Variants in PLCG2 observed in about 807,000 individuals in gnomAD.
PLCG2 encodes phospholipase C gamma 2.
In PLCG2, 69 loss-of-function variants were observed where a neutral mutation model predicts 175.6. That is an observed-to-expected ratio of 0.39 (90% CI 0.32 to 0.48). The LOEUF (loss-of-function observed/expected upper bound fraction) is 0.48, where lower values mean the gene tolerates loss of function less well. PLCG2 is among the 20% of genes least tolerant of loss of function. The pLI is 0.91. For missense variants in PLCG2, 1,798 were observed against 1,650.9 expected (o/e 1.09, Z -1.54); for synonymous variants, 827 against 624.0 (o/e 1.33, Z -4.85).
chr16:81,933,914 C>A (rs1022546060), intron 25 of PLCG2, among the ~76,000 whole-genome samples: 1 of 152,210 alleles, frequency 6.6e-6, no homozygotes, highest in African/African-American at 2.4e-5. Context: ...GAGTCCATGG[C>A]ACATGGCCTG....
chr16:81,890,712 A>T (rs535997108), intron 10 of PLCG2, among the ~76,000 whole-genome samples: 2 of 152,206 alleles, frequency 1.3e-5, no homozygotes, highest in Non-Finnish European at 1.5e-5. Context: ...CTCACGCAGC[A>T]GAAATTAGGC....
rs1470904080 is a variant in PLCG2 at position 81,854,480 on chromosome 16, A to G, written c.230A>G (p.Lys77Arg). ...IMEIKEIRPG[K>R]NSKDFERAKA... ...GAAATAAAAGAAATCCGCCCAGGGA[A>G]GAACTCCAAAGATTTCGAGCGAGCA... is the stretch of plus-strand genomic sequence containing the variant. The change falls in exon 3 of 33, where the codon AAG (lysine) becomes AGG (arginine). Residue 77 changes from lysine (K) to arginine (R), a missense_variant. Lys to Arg is a conservative substitution (Grantham distance 26, BLOSUM62 2). Coordinates refer to ENST00000564138, the MANE Select transcript of PLCG2 (RefSeq NM_002661.5). 6 of 1,614,170 alleles carry G rather than the reference A, an allele frequency of 3.7e-6. No homozygotes were observed. The highest frequency in any genetic ancestry group is 1.1e-5 in the South Asian group (1 of 91,084).
chr16:81,805,769 T>TTTTG (rs1911985696), intron 2 of PLCG2, among the ~76,000 whole-genome samples: 4 of 86,284 alleles, frequency 4.6e-5, no homozygotes, highest in African/African-American at 1.8e-4. Context: ...TTTGTTTTGT[T>TTTTG]TTTTTTTTTT....
At chr16:81,876,833 A>C (rs1319158729) in intron 7 of PLCG2, among the ~76,000 whole-genome samples, 1 of 152,196 alleles carries the variant, frequency 6.6e-6, no homozygotes, top group Non-Finnish European at 1.5e-5. Context: ...AACATAAATT[A>C]ACTGCTGCCT....
At chr16:81,841,205 T>G (rs1309054781) in intron 2 of PLCG2, among the ~76,000 whole-genome samples, 4 of 6,302 alleles carry the variant, frequency 6.3e-4, no homozygotes, top group Non-Finnish European at 9.8e-4. Context: ...AAAAGTAAAC[T>G]TTATTTATTT....
At chr16:81,888,473 C>T (rs1443908791) in intron 9 of PLCG2, among the ~76,000 whole-genome samples, 7 of 152,208 alleles carry the variant, frequency 4.6e-5, no homozygotes, top group Admixed American at 6.5e-5. Context: ...GCAGTCCACC[C>T]GCCTCGGCCT....
chr16:81,911,677 C>A (rs1166685683), intron 18 of PLCG2, among the ~76,000 whole-genome samples: 2 of 151,846 alleles, frequency 1.3e-5, no homozygotes, highest in Non-Finnish European at 2.9e-5. Flanking sequence ...ATGGCACGAT[C>A]TCAGCTCACT....
intron 20 of PLCG2, 118 bp from the exon 21 acceptor site, chr16:81,921,080 G>A (rs930644941): frequency 3.2e-6 from 2 of 627,776 alleles, no homozygotes; most frequent in Non-Finnish European, 5.6e-6. Flanking sequence ...ATTCTATGAG[G>A]TTTCAACTCC....
chr16:81,800,584 A>G (rs754677522), intron 2 of PLCG2, among the ~76,000 whole-genome samples: 1 of 152,050 alleles, frequency 6.6e-6, no homozygotes, highest in Non-Finnish European at 1.5e-5. Flanking sequence ...CATGGTGTAT[A>G]TGTACCATAT....
Position 81,910,614 on chromosome 16 carries a change from A to G in PLCG2, c.1828A>G (p.Ile610Val), listed in dbSNP as rs1909577816. The G allele has an allele frequency of 6.2e-7, 1 of 1,614,146 alleles. No individual in the cohort carries two copies. Among genetic ancestry groups the G allele is most frequent in the Admixed American group, 1.7e-5 (1 of 60,032 alleles). The change falls in exon 18 of 33, where the codon ATC (isoleucine) becomes GTC (valine). Residue 610 changes from isoleucine to valine, a missense_variant. Physicochemically the swap from Ile to Val is conservative, Grantham distance 29. Coordinates refer to ENST00000564138, the MANE Select transcript of PLCG2 (RefSeq NM_002661.5). ...GACTGACAACCTCACCTTCAGCAGC[A>G]TCTATGCCCTCATCCAGCACTACCG... ...YLTDNLTFSS[I>V]YALIQHYRET...
At chr16:81,743,640 CCT>C (rs1354262874) in intron 1 of PLCG2, among the ~76,000 whole-genome samples, 1 of 152,186 alleles carries the variant, frequency 6.6e-6, no homozygotes, top group East Asian at 1.9e-4. Context: ...GTTAGGAGAT[CCT>C]CTCTCTTGTG....
intron 7 of PLCG2, among the ~76,000 whole-genome samples, chr16:81,871,492 C>G (rs995894887): frequency 6.6e-6 from 1 of 152,092 alleles, no homozygotes; most frequent in Non-Finnish European, 1.5e-5. Context: ...ACGTGCGCCA[C>G]CACGCCCAGC....
intron 5 of PLCG2, among the ~76,000 whole-genome samples, chr16:81,867,707 T>G (rs1245950153): frequency 6.6e-6 from 1 of 151,890 alleles, no homozygotes; most frequent in Non-Finnish European, 1.5e-5. Context: ...CTTTTCTTTT[T>G]TATTTTTGGA....
intron 29 of PLCG2, among the ~76,000 whole-genome samples, chr16:81,939,407 C>T (rs969054840): frequency 6.6e-6 from 1 of 152,160 alleles, no homozygotes; most frequent in African/African-American, 2.4e-5. Context: ...ATCCTTGCCC[C>T]TGGTAAAAAG....
rs2143713090 is a variant in PLCG2, at chr16:81,931,419, A to G, written c.2582-78A>G. The G allele has an allele frequency of 3.5e-6, 5 of 1,427,858 alleles. No homozygotes were observed. In the South Asian group the frequency reaches 3.8e-5, roughly 11 times the overall value. The allele number at this position is 1,427,858 out of a possible 1,614,324, so 88.4% of individuals were successfully genotyped here. A position where few individuals can be genotyped will look rare whatever the true frequency, so the allele number is the denominator to read the frequency against. ...GTGGTGGTTGGTCCATGAGAGAAAC[A>G]GCTCAGGCAGGGTGCAGTCTGGTCT... is the stretch of plus-strand genomic sequence containing the variant. On this transcript the variant is annotated intron_variant, in intron 24 of 32. Transcript: ENST00000564138.
intron 31 of PLCG2, among the ~76,000 whole-genome samples, chr16:81,950,164 T>G (rs1911310582): frequency 6.6e-6 from 1 of 152,196 alleles, no homozygotes; most frequent in South Asian, 2.1e-4. Context: ...GTGAATAGGC[T>G]GAATCCTCCT....
At chr16:81,825,854 G>A (rs1395656863) in intron 2 of PLCG2, among the ~76,000 whole-genome samples, 2 of 152,170 alleles carry the variant, frequency 1.3e-5, no homozygotes, top group East Asian at 1.9e-4. Flanking sequence ...TCAAGTCTTA[G>A]GAAGACAGAG....
At chr16:81,777,228 C>T (rs78207481), upstream of PLCG2, among the ~76,000 whole-genome samples, 2,133 of 152,156 alleles carry the variant, frequency 0.014, 48 homozygotes, top group African/African-American at 0.046. Flanking sequence ...TTAGGAGCCA[C>T]GGCTCCCTAG....
At chr16:81,935,313 G>A (rs1023082616) in intron 26 of PLCG2, among the ~76,000 whole-genome samples, 1 of 151,972 alleles carries the variant, frequency 6.6e-6, no homozygotes, top group African/African-American at 2.4e-5. Context: ...GGATATTCCA[G>A]AATAAGCCTC....
Sources: allele counts gnomAD v4.1 joint callset (sites outside exome capture counted in the v4.1 genomes callset), GRCh38; gene constraint gnomAD v4.1.1; transcripts MANE v1.5; gene names NCBI Gene and HGNC (gene_info 2026-07-23, HGNC 2026-07-21).